TTC23: variants seen among roughly 807,000 people sequenced by gnomAD.
TTC23 encodes tetratricopeptide repeat domain 23, also known as tetratricopeptide repeat protein 23.
A neutral mutation model predicts 55.1 loss-of-function variants in TTC23; 58 were observed. The observed-to-expected ratio is 1.05, with a 90% CI of 0.85 to 1.31. The LOEUF (loss-of-function observed/expected upper bound fraction) is 1.31. Among genes scored for constraint, TTC23 ranks in the 50% most tolerant of loss-of-function variants. The pLI is 0.00. For missense variants in TTC23, 516 were observed against 534.4 expected (o/e 0.97, Z 0.34); for synonymous variants, 203 against 199.9 (o/e 1.02, Z -0.13).
At chr15:99,158,132 G>C (rs2070864751) in intron 11 of TTC23, 7 of 152,284 alleles carry the variant, frequency 4.6e-5, no homozygotes, top group African/African-American at 1.4e-4. Flanking sequence ...AATCTCTGTA[G>C]AGGCAGAGTG....
chr15:99,221,887 T>G, intron 5 of TTC23, 23 bp from the exon 6 acceptor site: 1 of 1,612,282 alleles, frequency 6.2e-7, no homozygotes, highest in African/African-American at 1.3e-5. Flanking sequence ...GAAAACAGGC[T>G]TACCAGTTAT....
chr15:99,225,213 A>G (rs1251894637), intron 5 of TTC23, among the ~76,000 whole-genome samples: 2 of 152,192 alleles, frequency 1.3e-5, no homozygotes. Flanking sequence ...TCCTTCCTTC[A>G]CGTCCTTATT....
intron 8 of TTC23, among the ~76,000 whole-genome samples, chr15:99,214,577 C>T (rs1234866725): frequency 2.0e-5 from 3 of 151,182 alleles, no homozygotes. Context: ...AGGTGAGCAC[C>T]ACCACACTTG....
intron 2 of TTC23, among the ~76,000 whole-genome samples, chr15:99,242,293 AAT>A (rs2079881107): frequency 6.6e-6 from 1 of 152,128 alleles, no homozygotes; most frequent in African/African-American, 2.4e-5. Flanking sequence ...GTGATAAAAA[AAT>A]AACAGAAAAA....
At chr15:99,194,803 C>G (rs769548385) in intron 9 of TTC23, among the ~76,000 whole-genome samples, 1 of 152,108 alleles carries the variant, frequency 6.6e-6, no homozygotes, top group Non-Finnish European at 1.5e-5. Flanking sequence ...GGCATGGTGG[C>G]ACATGCCTGT....
At chr15:99,169,124 C>T (rs1368211222) in intron 10 of TTC23, among the ~76,000 whole-genome samples, 2 of 152,228 alleles carry the variant, frequency 1.3e-5, no homozygotes, top group African/African-American at 2.4e-5. Context: ...CTTCCCCTTT[C>T]TCCCTCACTC....
chr15:99,203,910 G>A (rs2076400601), intron 8 of TTC23, among the ~76,000 whole-genome samples: 1 of 152,022 alleles, frequency 6.6e-6, no homozygotes, highest in African/African-American at 2.4e-5. Context: ...TGACACTTAT[G>A]TTGAGTCCTA....
chr15:99,187,474 C>CAAAAAAAAAAAAAAAAAAAAAA (rs778180737), intron 9 of TTC23, among the ~76,000 whole-genome samples: 1 of 94,540 alleles, frequency 1.1e-5, no homozygotes, highest in Admixed American at 1.2e-4. Context: ...AAAAACAAAA[C>CAAAAAAAAAAAAAAAAAAAAAA]AAAAGAAACC....
chr15:99,213,070 C>T lies in TTC23; in HGVS notation c.581+5518G>A, dbSNP rs140707935. 5.2e-4 allele frequency among the ~76,000 whole-genome samples: 79 copies of T among 151,304 alleles called. 1 individual carries two copies. The East Asian group carries it at 0.01, about 20-fold the overall frequency. ...TATCTTGGCCTTCCACTTCCAAGAC[C>T]TGGCAAAAGAAAAGGCCCTCATGGT... On this transcript the variant is annotated intron_variant, in intron 8 of 13. Transcript: ENST00000394132.
At chr15:99,151,367 G>A (rs1271351662) in intron 12 of TTC23, 1 of 152,192 alleles carries the variant, frequency 6.6e-6, no homozygotes. Context: ...CTTTCCCTGA[G>A]GTCTTTGAGG....
At chr15:99,200,253 G>A (rs2076090966) in intron 8 of TTC23, among the ~76,000 whole-genome samples, 157 bp from the exon 9 acceptor site, 1 of 152,144 alleles carries the variant, frequency 6.6e-6, no homozygotes, top group Non-Finnish European at 1.5e-5. Flanking sequence ...GCAGGGCATG[G>A]TGGTTAAGAA....
intron 9 of TTC23, among the ~76,000 whole-genome samples, chr15:99,188,260 G>A (rs1035991974): frequency 6.6e-6 from 1 of 152,046 alleles, no homozygotes; most frequent in Admixed American, 6.5e-5. Flanking sequence ...CATACTGTAT[G>A]ATTCTGTTTA....
chr15:99,229,430 T>A (rs2078751685), intron 4 of TTC23, among the ~76,000 whole-genome samples: 1 of 151,772 alleles, frequency 6.6e-6, no homozygotes, highest in African/African-American at 2.4e-5. Context: ...ATGGAAAAAA[T>A]AAATCACCCC....
intron 8 of TTC23, among the ~76,000 whole-genome samples, chr15:99,210,534 T>C (rs781443601): frequency 5.8e-4 from 89 of 152,264 alleles, no homozygotes; most frequent in Non-Finnish European, 1.2e-3. Flanking sequence ...GAGAAACATG[T>C]CTGCTGGAGA....
intron 9 of TTC23, among the ~76,000 whole-genome samples, chr15:99,175,726 G>A (rs1348310686): frequency 9.2e-5 from 14 of 152,238 alleles, no homozygotes; most frequent in Non-Finnish European, 2.1e-4. Context: ...CAGGCGCGGT[G>A]GCTCATGTCT....
chr15:99,234,832 A>G (rs1199643935), intron 4 of TTC23, among the ~76,000 whole-genome samples, 156 bp downstream of exon 4: 5 of 152,180 alleles, frequency 3.3e-5, no homozygotes, highest in Non-Finnish European at 7.3e-5. Context: ...GATTAAAAAG[A>G]CTTATTGTAG....
At chr15:99,232,586 G>A (rs1362958552) in intron 4 of TTC23, among the ~76,000 whole-genome samples, 1 of 152,012 alleles carries the variant, frequency 6.6e-6, no homozygotes, top group Non-Finnish European at 1.5e-5. Flanking sequence ...TTAGAGAAAT[G>A]CAAATTATAT....
intron 10 of TTC23, among the ~76,000 whole-genome samples, chr15:99,173,089 C>T (rs1286280356): frequency 1.3e-5 from 2 of 152,164 alleles, no homozygotes; most frequent in African/African-American, 4.8e-5. Context: ...GGTCTTTTGG[C>T]CTTAGCCTCC....
intron 9 of TTC23, among the ~76,000 whole-genome samples, chr15:99,189,734 G>A (rs1425238419): frequency 6.6e-6 from 1 of 152,174 alleles, no homozygotes; most frequent in African/African-American, 2.4e-5. Context: ...CAGACTGAGT[G>A]AGAAACTATT....
Sources: allele counts gnomAD v4.1 joint callset (sites outside exome capture counted in the v4.1 genomes callset), GRCh38; gene constraint gnomAD v4.1.1; transcripts MANE v1.5; gene names NCBI Gene and HGNC (gene_info 2026-07-23, HGNC 2026-07-21).